The following TMEM108 variants were observed in gnomAD, a reference collection of about 807,000 sequenced individuals.
TMEM108 encodes the protein cancer/testis antigen 124.
TMEM108 carries 12 observed loss-of-function variants against 35.1 expected under a neutral mutation model. The observed-to-expected ratio is 0.34, with a 90% CI of 0.22 to 0.55. The LOEUF (loss-of-function observed/expected upper bound fraction) is 0.55, where lower values mean the gene tolerates loss of function less well. Among genes scored for constraint, TMEM108 ranks in the 20% least tolerant of loss-of-function variants. The pLI is 0.89. For synonymous variants in TMEM108, 287 were observed against 308.6 expected, an observed-to-expected ratio of 0.93 and a Z score of 0.73; for missense variants, 680 against 753.3, an observed-to-expected ratio of 0.90 and a Z score of 1.14.
At chr3:133,316,335 A>G (rs905148539) in intron 3 of TMEM108, among the ~76,000 whole-genome samples, 1 of 152,184 alleles carries the variant, frequency 6.6e-6, no homozygotes, top group African/African-American at 2.4e-5. Flanking sequence ...ATATTTTGCA[A>G]TGGAAACTGA....
At chr3:133,080,703 C>T (rs1285513763) in intron 2 of TMEM108, among the ~76,000 whole-genome samples, 1 of 152,092 alleles carries the variant, frequency 6.6e-6, no homozygotes, top group East Asian at 1.9e-4. Flanking sequence ...AATTAGTAGA[C>T]ACTTAGTGCT....
chr3:133,239,141 T>C (rs1005422241), intron 3 of TMEM108, among the ~76,000 whole-genome samples: 2 of 152,152 alleles, frequency 1.3e-5, no homozygotes, highest in African/African-American at 4.8e-5. Context: ...GGGTTTTGTG[T>C]CCCCCACCCC....
At chr3:133,079,050 A>G (rs1224272113) in intron 2 of TMEM108, among the ~76,000 whole-genome samples, 1 of 152,220 alleles carries the variant, frequency 6.6e-6, no homozygotes, top group Non-Finnish European at 1.5e-5. Flanking sequence ...GAATTCAGCG[A>G]GAAGTGCCGG....
At chr3:133,233,634 G>A (rs1011392260) in intron 3 of TMEM108, among the ~76,000 whole-genome samples, 193 of 133,026 alleles carry the variant, frequency 1.5e-3, no homozygotes, top group African/African-American at 4.5e-3. Flanking sequence ...CACAATGGTT[G>A]AACTAGTTTA....
At chr3:133,059,385 G>T (rs1309362653) in intron 2 of TMEM108, among the ~76,000 whole-genome samples, 2 of 151,818 alleles carry the variant, frequency 1.3e-5, no homozygotes, top group African/African-American at 4.8e-5. Context: ...TTTTGGAAGG[G>T]TCCAGATTCT....
At chr3:133,168,335 A>G (rs1945074711) in intron 2 of TMEM108, among the ~76,000 whole-genome samples, 1 of 152,142 alleles carries the variant, frequency 6.6e-6, no homozygotes, top group Non-Finnish European at 1.5e-5. Context: ...GTCTAAAGTT[A>G]AGGGGCTCAC....
At chr3:133,373,170 C>A (rs2072727146) in intron 3 of TMEM108, among the ~76,000 whole-genome samples, 1 of 151,760 alleles carries the variant, frequency 6.6e-6, no homozygotes, top group Non-Finnish European at 1.5e-5. Context: ...AGGTGGAGAC[C>A]AGCAACATGG....
At chr3:133,108,892 C>T (rs1036817254) in intron 2 of TMEM108, among the ~76,000 whole-genome samples, 3 of 151,232 alleles carry the variant, frequency 2.0e-5, no homozygotes, top group Non-Finnish European at 2.9e-5. Context: ...TGCTAAATGA[C>T]GAGTTAATGG....
intron 2 of TMEM108, among the ~76,000 whole-genome samples, chr3:133,204,813 A>G (rs970087595): frequency 2.0e-5 from 3 of 152,194 alleles, no homozygotes; most frequent in Admixed American, 1.3e-4. Flanking sequence ...GATGTCTGTT[A>G]GGTCCACTTG....
intron 3 of TMEM108, among the ~76,000 whole-genome samples, chr3:133,337,672 T>C (rs1010622300): frequency 6.6e-6 from 1 of 152,014 alleles, no homozygotes; most frequent in African/African-American, 2.4e-5. Context: ...ATCAAGATCA[T>C]ATAGGAAAAC....
chr3:133,269,388 T>G (rs932950587), intron 3 of TMEM108, among the ~76,000 whole-genome samples: 2 of 152,162 alleles, frequency 1.3e-5, no homozygotes, highest in Admixed American at 6.5e-5. Context: ...TGGTGGCTAA[T>G]GATTTCAGAC....
At chr3:133,179,550 A>G (rs373562826) in intron 2 of TMEM108, among the ~76,000 whole-genome samples, 6 of 151,960 alleles carry the variant, frequency 3.9e-5, no homozygotes, top group South Asian at 2.1e-4. Context: ...GCAAACTATC[A>G]CAAGGACAAA....
intron 2 of TMEM108, among the ~76,000 whole-genome samples, chr3:133,225,403 A>C (rs1946054692): frequency 6.6e-6 from 1 of 151,974 alleles, no homozygotes; most frequent in African/African-American, 2.4e-5. Context: ...TCCTCATACA[A>C]ATCACACTGG....
chr3:133,308,589 G>T (rs1013851633), intron 3 of TMEM108, among the ~76,000 whole-genome samples: 4 of 151,632 alleles, frequency 2.6e-5, no homozygotes, highest in Non-Finnish European at 4.4e-5. Context: ...GAATTTTGTC[G>T]AAGGCCTTTT....
chr3:133,064,709 C>CT (rs200166546), intron 2 of TMEM108, among the ~76,000 whole-genome samples: 2,015 of 141,146 alleles, frequency 0.014, 21 homozygotes, highest in Non-Finnish European at 0.02. Context: ...AGAAATAAAC[C>CT]TTTTTTTTTT....
chr3:133,204,668 A>G (rs542621854), intron 2 of TMEM108, among the ~76,000 whole-genome samples: 59 of 152,146 alleles, frequency 3.9e-4, no homozygotes, highest in African/African-American at 1.2e-3. Flanking sequence ...CTGAAAGACT[A>G]CTTGTTATGA....
At chr3:133,217,710 G>A (rs375157003) in intron 2 of TMEM108, among the ~76,000 whole-genome samples, 209 of 152,004 alleles carry the variant, frequency 1.4e-3, no homozygotes, top group South Asian at 0.012. Context: ...ATGTGTTCTT[G>A]GCATCTTTGT....
At chr3:133,052,013 T>A (rs1943411782) in intron 2 of TMEM108, among the ~76,000 whole-genome samples, 1 of 152,142 alleles carries the variant, frequency 6.6e-6, no homozygotes, top group African/African-American at 2.4e-5. Flanking sequence ...TAGAACCAAT[T>A]TGTTGGTAGC....
intron 3 of TMEM108, among the ~76,000 whole-genome samples, chr3:133,377,241 T>C (rs1181457738): frequency 6.6e-6 from 1 of 152,154 alleles, no homozygotes; most frequent in Non-Finnish European, 1.5e-5. Flanking sequence ...CATAAGTCAG[T>C]CCTTAACAAC....
Sources: allele counts gnomAD v4.1 joint callset (sites outside exome capture counted in the v4.1 genomes callset), GRCh38; gene constraint gnomAD v4.1.1; transcripts MANE v1.5; gene names NCBI Gene and HGNC (gene_info 2026-07-23, HGNC 2026-07-21).